MAP3K12: variants seen among roughly 807,000 people sequenced by gnomAD.
The protein encoded by MAP3K12 is MAPK-upstream kinase.
In MAP3K12, 14 loss-of-function variants were observed where a neutral mutation model predicts 87.5. The observed-to-expected ratio is 0.16, with a 90% CI of 0.11 to 0.25. The LOEUF (loss-of-function observed/expected upper bound fraction) is 0.25, where lower values mean the gene tolerates loss of function less well. Ranked by LOEUF, MAP3K12 falls within the 10% of genes least tolerant of loss-of-function variation. The pLI is 1.00. For missense variants in MAP3K12, 802 were observed against 1,140.4 expected, an observed-to-expected ratio of 0.70 and a Z score of 4.27; for synonymous variants, 469 against 452.5, an observed-to-expected ratio of 1.04 and a Z score of -0.46.
rs758069639 is a variant in MAP3K12, at chr12:53,484,030, G to T, written c.1249-10C>A. ...CTTCCCGCCACTCTGCCTATGGGTT[G>T]AGAGCAGATGAAGAGTGAGAGCCAT... On this transcript the variant is annotated splice_polypyrimidine_tract_variant and intron_variant, in intron 7 of 13. Transcript: ENST00000547488. The T allele has an allele frequency of 1.9e-5, 31 of 1,612,270 alleles. No individual in the cohort carries two copies. In the Admixed American group the frequency reaches 4.8e-4, roughly 25 times the overall value.
At position 53,487,017 on chromosome 12, in the gene MAP3K12, A is replaced by G; in HGVS notation, c.375T>C (p.Phe125=). The stretch of plus-strand genomic sequence containing the variant: ...TGGTCCAGACAGGGCGCAGGCAGCC[A>G]AAGAGGCCCTCAAGGAAGCCACTGC... ...QSGSGFLEGL[F]GCLRPVWTMI... is the part of the protein sequence containing the mutation. Residue 125 remains phenylalanine, a synonymous_variant, in exon 2 of 14, where the codon TTT becomes TTC. Transcript: ENST00000547488. 1.2e-6 allele frequency: 2 copies of G among 1,614,106 alleles called. No individual in the cohort carries two copies. Among genetic ancestry groups the G allele is most frequent in the Non-Finnish European group, 1.7e-6 (2 of 1,180,004 alleles).
intron 1 of MAP3K12, among the ~76,000 whole-genome samples, chr12:53,495,215 T>G (rs1295641403): frequency 6.6e-6 from 1 of 150,540 alleles, no homozygotes. Flanking sequence ...GGCGGACGCC[T>G]GTAGTCCCAG....
intron 13 of MAP3K12, 72 bp from the exon 14 acceptor site, chr12:53,481,352 CT>C: frequency 1.2e-6 from 1 of 808,266 alleles, no homozygotes; most frequent in Non-Finnish European, 1.8e-6. Context: ...TAGCCAGTGG[CT>C]TACTGATTTG....
At chr12:53,481,743 A>C in intron 13 of MAP3K12, 198 bp downstream of exon 13, 1 of 601,480 alleles carries the variant, frequency 1.7e-6, no homozygotes, top group South Asian at 2.3e-5. Flanking sequence ...TGCAATTTAT[A>C]GCTACATGCA....
rs61736610 is a variant in MAP3K12, at chr12:53,487,383, G to A, written c.9C>T (p.Cys3=). 821 of 1,609,800 alleles carry A rather than the reference G, an allele frequency of 5.1e-4. 2 individuals carry two copies. In the African/African-American group the frequency reaches 9.1e-3, roughly 18 times the overall value. ...GAGAGGGTGTTCGGGTCTCATGGAGGCAAGCCATCGCCTCTGGCCCCTGGT... is the reference window on the plus strand; with the variant it reads ...GAGAGGGTGTTCGGGTCTCATGGAGACAAGCCATCGCCTCTGGCCCCTGGT... MA[C]LHETRTPSPS... The change falls in exon 2 of 14, where the codon TGC becomes TGT. Residue 3 remains cysteine (C), a synonymous_variant. Transcript: ENST00000547488.
chr12:53,483,811 C>T (rs1189527387), intron 8 of MAP3K12, 88 bp from the exon 9 acceptor site: 1 of 1,611,590 alleles, frequency 6.2e-7, no homozygotes, highest in Non-Finnish European at 8.5e-7. Flanking sequence ...GTCCACAGTC[C>T]TTTCGTAGTC....
intron 1 of MAP3K12, among the ~76,000 whole-genome samples, chr12:53,491,007 G>C (rs985436013): frequency 6.6e-6 from 1 of 152,016 alleles, no homozygotes; most frequent in East Asian, 1.9e-4. Context: ...GAAGGCTTAC[G>C]GCTGGGCGTA....
intron 1 of MAP3K12, chr12:53,487,708 T>G: frequency 3.3e-6 from 1 of 301,816 alleles, no homozygotes; most frequent in Non-Finnish European, 6.2e-6. Context: ...CCCACGTGGG[T>G]ACACACTGGT....
rs1406114151 is a variant in MAP3K12 at position 53,482,925 on chromosome 12, G to A, written c.1878C>T (p.Ala626=). The stretch of plus-strand genomic sequence containing the variant: ...GGAGGTCATGATGAAGCCCACGGAG[G>A]GCGGGAGGGCAGGCCTCCCAGGCTG... ...GPSAWEACPP[A]LRGLHHDLLL... is the part of the protein sequence containing the mutation. The change falls in exon 11 of 14, where the codon GCC becomes GCT. Residue 626 remains alanine (A), a synonymous_variant. Coordinates refer to ENST00000547488, the MANE Select transcript of MAP3K12 (RefSeq NM_001193511.2). The A allele has an allele frequency of 6.2e-7, 1 of 1,608,866 alleles. No individual in the cohort carries two copies. The highest frequency in any genetic ancestry group is 1.7e-5 in the Admixed American group (1 of 59,876).
Position 53,486,261 on chromosome 12 carries a change from A to G in MAP3K12, c.630-14T>C. The G allele has an allele frequency of 6.3e-7, 1 of 1,590,528 alleles. No individual in the cohort carries two copies. The highest frequency in any genetic ancestry group is 8.6e-7 in the Non-Finnish European group (1 of 1,167,288). On this transcript the variant is annotated splice_polypyrimidine_tract_variant and intron_variant, in intron 3 of 13. Transcript: ENST00000547488. This position sits in a 1 kb window ranked among gnomAD's most constrained non-coding sequence, Gnocchi z 4.9. ...GTGCACACACCCCTGGGAGCCAAACAATGGTATGAAGGCCTCAGCTGGCTC... is the reference window on the plus strand; with the variant it reads ...GTGCACACACCCCTGGGAGCCAAACGATGGTATGAAGGCCTCAGCTGGCTC...
At chr12:53,490,667 A>G (rs1278846379) in intron 1 of MAP3K12, among the ~76,000 whole-genome samples, 6 of 150,836 alleles carry the variant, frequency 4.0e-5, no homozygotes, top group East Asian at 4.0e-4. Context: ...TGGCATGAAC[A>G]TGGGAGGTGG....
chr12:53,481,279 C>A lies in MAP3K12; in HGVS notation c.2582G>T (p.Gly861Val). ...IPHQELLRER[G>V]PPNSEDSDCD... ...GTCTGAGTCCTCAGAATTGGGAGGGCCCTGTGAGAAAGAGTAGAAATGGAG... is the reference window on the plus strand; with the variant it reads ...GTCTGAGTCCTCAGAATTGGGAGGGACCTGTGAGAAAGAGTAGAAATGGAG... Residue 861 changes from glycine (G) to valine (V), a missense_variant and splice_region_variant, in exon 14 of 14, where the codon GGC becomes GTC. By Grantham distance (109) the Gly-to-Val change is moderately radical (BLOSUM62 -3). Coordinates refer to ENST00000547488, the MANE Select transcript of MAP3K12 (RefSeq NM_001193511.2). The A allele has an allele frequency of 1.3e-6, 2 of 1,537,134 alleles. No homozygotes were observed. Among genetic ancestry groups the A allele is most frequent in the Non-Finnish European group, 8.8e-7 (1 of 1,141,732 alleles).
intron 1 of MAP3K12, among the ~76,000 whole-genome samples, chr12:53,497,539 C>A (rs908501588): frequency 6.6e-6 from 1 of 152,220 alleles, no homozygotes; most frequent in African/African-American, 2.4e-5. Context: ...GCCAATGAAC[C>A]AGACAGACCA....
At chr12:53,484,413 T>G in intron 6 of MAP3K12, 48 bp from the exon 7 acceptor site, 24 of 1,280,656 alleles carry the variant, frequency 1.9e-5, no homozygotes, top group Middle Eastern at 1.9e-4. Context: ...TGAGGGAGGA[T>G]CAGATAGGAA....
intron 1 of MAP3K12, among the ~76,000 whole-genome samples, chr12:53,491,287 CA>C (rs780256956): frequency 5.7e-5 from 3 of 52,862 alleles, no homozygotes; most frequent in Admixed American, 3.0e-4. Flanking sequence ...GACTCTGTCT[CA>C]AAAAAAAAAA....
Position 53,487,304 on chromosome 12 carries a change from C to T in MAP3K12, c.88G>A (p.Asp30Asn). ...GGAGTGCAGTCAGAAGTGTCTGGGT[C>T]CAGCTTGCGCATGGATGCCTCACTT... ...TLSEASMRKLDPDTSDCTPEK... is the reference protein window; with the variant it reads ...TLSEASMRKLNPDTSDCTPEK... Residue 30 changes from aspartate to asparagine, a missense_variant, in exon 2 of 14, where the codon GAC becomes AAC. By Grantham distance (23) the Asp-to-Asn change is conservative. Transcript: ENST00000547488. 1 of 1,613,990 alleles carries T rather than the reference C, an allele frequency of 6.2e-7. No homozygotes were observed. The highest frequency in any genetic ancestry group is 8.5e-7 in the Non-Finnish European group (1 of 1,179,996).
In MAP3K12 at chr12:53,487,029, A is replaced by G. The variant is rs763344100; in HGVS notation, c.363T>C (p.Leu121=). 3.7e-6 allele frequency: 6 copies of G among 1,614,002 alleles called. No individual in the cohort carries two copies. The highest frequency in any genetic ancestry group is 4.2e-6 in the Non-Finnish European group (5 of 1,180,028). Residue 121 remains leucine (L), a synonymous_variant, in exon 2 of 14, where the codon CTT becomes CTC. Transcript: ENST00000547488. The part of the protein sequence containing the change: ...RLQCQSGSGF[L]EGLFGCLRPV... ...GGCGCAGGCAGCCAAAGAGGCCCTC[A>G]AGGAAGCCACTGCCACTCTGGCACT...
intron 7 of MAP3K12, 88 bp from the exon 8 acceptor site, chr12:53,484,108 GT>G: frequency 7.0e-7 from 1 of 1,432,330 alleles, no homozygotes; most frequent in Non-Finnish European, 9.8e-7. Context: ...GCCAATGTGT[GT>G]GCTGGAGCAA....
intron 1 of MAP3K12, among the ~76,000 whole-genome samples, chr12:53,494,717 A>G (rs921154825): frequency 1.3e-5 from 2 of 152,092 alleles, no homozygotes; most frequent in African/African-American, 2.4e-5. Context: ...GAAAAGGAGA[A>G]TGATTCCCTT....
Sources: gnomAD v4.1 joint callset for allele counts (sites outside exome capture counted in the v4.1 genomes callset) on GRCh38, gnomAD v4.1.1 for gene constraint, Gnocchi (gnomAD v3.1) non-coding constraint, MANE v1.5 for transcripts, NCBI Gene and HGNC (gene_info 2026-07-23, HGNC 2026-07-21) for gene names.